THSD4: variants seen among roughly 807,000 people sequenced by gnomAD.
THSD4 encodes thrombospondin type 1 domain containing 4, also known as thrombospondin type-1 domain-containing protein 4.
THSD4 carries 69 observed loss-of-function variants against 119.0 expected under a neutral mutation model. The observed-to-expected ratio is 0.58, with a 90% confidence interval of 0.48 to 0.71. The LOEUF (loss-of-function observed/expected upper bound fraction) is 0.71, where lower values mean the gene tolerates loss of function less well. Among genes scored for constraint, THSD4 ranks in the 30% least tolerant of loss-of-function variants. THSD4 has a pLI of 0.00. For synonymous variants in THSD4, 524 were observed against 540.4 expected (o/e 0.97, Z 0.42); for missense variants, 1,393 against 1,391.1 (o/e 1.00, Z -0.02).
chr15:71,604,822 CAA>C (rs1262780282), intron 7 of THSD4, among the ~76,000 whole-genome samples: 1 of 118,698 alleles, frequency 8.4e-6, no homozygotes, highest in African/African-American at 3.0e-5. Flanking sequence ...AAAACAAAAA[CAA>C]AAACAAAAAA....
chr15:71,489,300 T>G (rs1038493712), intron 7 of THSD4, among the ~76,000 whole-genome samples: 1 of 152,230 alleles, frequency 6.6e-6, no homozygotes, highest in Non-Finnish European at 1.5e-5. Context: ...AAATATATCA[T>G]GCATTACCAT....
intron 7 of THSD4, among the ~76,000 whole-genome samples, chr15:71,609,942 A>C (rs1257411463): frequency 6.6e-6 from 1 of 152,224 alleles, no homozygotes; most frequent in Non-Finnish European, 1.5e-5. Context: ...ACTGAAAGAA[A>C]GTGAACTTGC....
intron 7 of THSD4, among the ~76,000 whole-genome samples, chr15:71,622,055 G>A (rs1296834549): frequency 6.6e-6 from 1 of 152,186 alleles, no homozygotes; most frequent in Non-Finnish European, 1.5e-5. Context: ...AGGTGATCTT[G>A]GAGGAGCTGT....
chr15:71,492,894 C>CT (rs11437149), intron 7 of THSD4, among the ~76,000 whole-genome samples: 24,314 of 144,118 alleles, frequency 0.17, 2,143 homozygotes, highest in African/African-American at 0.25. Flanking sequence ...CATGAAATGT[C>CT]TTTTTTTTTT....
intron 7 of THSD4, among the ~76,000 whole-genome samples, chr15:71,566,131 C>G (rs567414684): frequency 2.1e-5 from 3 of 143,710 alleles, no homozygotes; most frequent in Admixed American, 1.5e-4. Flanking sequence ...TCTTTTCTTT[C>G]TTTCTTTTTT....
chr15:71,188,774 A>G (rs1007647818), intron 3 of THSD4: 3 of 152,654 alleles, frequency 2.0e-5, no homozygotes, highest in African/African-American at 7.2e-5. Context: ...TAATTATTGT[A>G]GCATGATTTC....
chr15:71,134,097 G>T (rs1225035683), intron 1 of THSD4, among the ~76,000 whole-genome samples: 3 of 152,218 alleles, frequency 2.0e-5, no homozygotes, highest in Non-Finnish European at 4.4e-5. Flanking sequence ...GCAGTGTGGG[G>T]GTTCCATGGG....
At chr15:71,566,922 C>T (rs1171520765) in intron 7 of THSD4, among the ~76,000 whole-genome samples, 1 of 151,820 alleles carries the variant, frequency 6.6e-6, no homozygotes, top group Non-Finnish European at 1.5e-5. Context: ...TCCCTAAACA[C>T]TTAAACTCAC....
intron 7 of THSD4, among the ~76,000 whole-genome samples, chr15:71,538,453 C>A (rs746861543): frequency 2.6e-5 from 4 of 152,164 alleles, no homozygotes; most frequent in Admixed American, 2.0e-4. Flanking sequence ...GTTGTTTTTG[C>A]CACTGTTTTC....
At chr15:71,247,552 A>T (rs75806981) in intron 5 of THSD4, among the ~76,000 whole-genome samples, 1,726 of 152,282 alleles carry the variant, frequency 0.011, 36 homozygotes, top group African/African-American at 0.04. Flanking sequence ...GTGGAGTTTG[A>T]GTGCAGATTA....
chr15:71,153,816 G>A (rs1475097102), intron 2 of THSD4, among the ~76,000 whole-genome samples: 1 of 152,210 alleles, frequency 6.6e-6, no homozygotes, highest in Non-Finnish European at 1.5e-5. Context: ...GTCAAAAGAT[G>A]TAGTGGCCTT....
At chr15:71,547,778 G>GA (rs11424835) in intron 7 of THSD4, 62,891 of 190,540 alleles carry the variant, frequency 0.33, 9,035 homozygotes, top group Admixed American at 0.39. Flanking sequence ...TGCTGTAGCA[G>GA]AAAAAAAAAA....
intron 7 of THSD4, among the ~76,000 whole-genome samples, chr15:71,445,510 T>G (rs1208847492): frequency 6.6e-6 from 1 of 152,264 alleles, no homozygotes; most frequent in East Asian, 1.9e-4. Flanking sequence ...ATGTTCATTC[T>G]TCACCAGGTG....
chr15:71,622,580 TC>T (rs746739813), intron 7 of THSD4, among the ~76,000 whole-genome samples: 16 of 152,216 alleles, frequency 1.1e-4, no homozygotes, highest in Non-Finnish European at 1.8e-4. Flanking sequence ...GATTCACTTT[TC>T]TCTAACATGT....
At chr15:71,385,296 T>C (rs2140458923) in intron 6 of THSD4, among the ~76,000 whole-genome samples, 1 of 152,316 alleles carries the variant, frequency 6.6e-6, no homozygotes, top group East Asian at 1.9e-4. Context: ...CACTTTGGGC[T>C]CCATGGATAC....
chr15:71,483,091 C>A (rs921128192), intron 7 of THSD4, among the ~76,000 whole-genome samples: 3 of 152,134 alleles, frequency 2.0e-5, no homozygotes, highest in African/African-American at 4.8e-5. Flanking sequence ...TAAACAGTAT[C>A]TTTTACAGTA....
intron 8 of THSD4, among the ~76,000 whole-genome samples, chr15:71,698,642 TATATACATGAAATATATA>T (rs901882900): frequency 7.0e-6 from 1 of 143,696 alleles, no homozygotes; most frequent in African/African-American, 2.8e-5. Flanking sequence ...CATGCATGTA[TATATACATGAAATATATA>T]CATGCATGTA....
At chr15:71,277,173 T>TG (rs1345206775) in intron 6 of THSD4, among the ~76,000 whole-genome samples, 5 of 144,658 alleles carry the variant, frequency 3.5e-5, no homozygotes, top group African/African-American at 1.3e-4. Flanking sequence ...TCACCCAGGC[T>TG]GGAGTGCAGT....
At chr15:71,313,272 C>CA (rs1047274319) in intron 6 of THSD4, among the ~76,000 whole-genome samples, 2 of 147,076 alleles carry the variant, frequency 1.4e-5, no homozygotes, top group Admixed American at 6.7e-5. Flanking sequence ...ACAACCCCGT[C>CA]ATTCTGTGTG....
Sources: allele counts gnomAD v4.1 joint callset (sites outside exome capture counted in the v4.1 genomes callset), GRCh38; gene constraint gnomAD v4.1.1; transcripts MANE v1.5; gene names NCBI Gene and HGNC (gene_info 2026-07-23, HGNC 2026-07-21).